Variants in SIRT3 observed in about 807,000 individuals in gnomAD.
The protein encoded by SIRT3 is NAD-dependent protein deacetylase sirtuin-3, mitochondrial.
A neutral mutation model predicts 33.5 loss-of-function variants in SIRT3; 26 were observed. The ratio of observed to expected loss-of-function variants is 0.78; its 90% confidence interval spans 0.57 to 1.08. SIRT3 has a LOEUF of 1.08. SIRT3 is among the 50% of genes least tolerant of loss of function. SIRT3 has a pLI of 0.00. For missense variants in SIRT3, 585 were observed against 530.1 expected (o/e 1.10, Z -1.02); for synonymous variants, 237 against 222.1 (o/e 1.07, Z -0.60).
chr11:232,892 T>G, intron 3 of SIRT3, 91 bp downstream of exon 3: 1 of 1,242,366 alleles, frequency 8.0e-7, no homozygotes, highest in Non-Finnish European at 1.2e-6. Context: ...GCATCCCCTG[T>G]GAGAAACAGG....
At chr11:220,330 C>CAAAA (rs55855156) in intron 5 of SIRT3, among the ~76,000 whole-genome samples, 78 of 86,468 alleles carry the variant, frequency 9.0e-4, no homozygotes, top group Non-Finnish European at 1.2e-3. Flanking sequence ...GACTCTGTCT[C>CAAAA]AAAAAAAAAA....
chr11:219,734 A>G (rs1332299886), intron 5 of SIRT3, among the ~76,000 whole-genome samples: 1 of 152,218 alleles, frequency 6.6e-6, no homozygotes, highest in Non-Finnish European at 1.5e-5. Flanking sequence ...GTTTCAATGT[A>G]AACAAAACAG....
intron 1 of SIRT3, among the ~76,000 whole-genome samples, chr11:235,418 G>T (rs1414712111): frequency 6.6e-6 from 1 of 152,120 alleles, no homozygotes; most frequent in African/African-American, 2.4e-5. Context: ...TGTTGCCCAG[G>T]CTGCTCTTGA....
At position 233,444 on chromosome 11, in the gene SIRT3, G is replaced by T; in HGVS notation, c.372C>A (p.Ser124=). The T allele has an allele frequency of 6.2e-7, 1 of 1,613,920 alleles. No homozygotes were observed. The highest frequency in any genetic ancestry group is 8.5e-7 in the Non-Finnish European group (1 of 1,179,994). The change falls in exon 2 of 7, where the codon TCC becomes TCA. Residue 124 remains serine, a synonymous_variant. Transcript: ENST00000382743. ...GAATCAGCTCAGCTACATCCTGCAG[G>T]GAAAGCTTCCCCTTGTCACTGCTGC... ...SGGSSDKGKL[S]LQDVAELIRA...
In SIRT3 at chr11:229,845, C is replaced by T. The variant is rs199795622; in HGVS notation, c.807+607G>A. ...TACTCAAAAGAATAAAAAACAAGGA[C>T]TCTCAAACGAATACTTGCATATGCT... On this transcript the variant is annotated intron_variant, in intron 4 of 6. Coordinates refer to ENST00000382743, the MANE Select transcript of SIRT3 (RefSeq NM_012239.6). 1.9e-4 allele frequency among the ~76,000 whole-genome samples: 29 copies of T among 152,268 alleles called. No individual in the cohort carries two copies. The East Asian group carries it at 4.4e-3, about 23-fold the overall frequency.
At chr11:233,618 C>T in intron 1 of SIRT3, 84 bp from the exon 2 acceptor site, 3 of 1,285,948 alleles carry the variant, frequency 2.3e-6, no homozygotes, top group Non-Finnish European at 3.3e-6. Context: ...CTGCCCTCTG[C>T]ACCACCGCCA....
rs548003 is a variant in SIRT3, at chr11:223,608, G to A, written c.969+470C>T. ...CTGGGAGGCCCTGCCCCTCCACCTC[G>A]CCCCCACACCCCCATCCTTCTCCCT... On this transcript the variant is annotated intron_variant, in intron 5 of 6. Coordinates refer to ENST00000382743, the MANE Select transcript of SIRT3 (RefSeq NM_012239.6). The surrounding 1 kb of genome is among the most constrained non-coding windows in gnomAD (Gnocchi z 4.8). 1.8e-5 allele frequency: 6 copies of A among 326,446 alleles called. No homozygotes were observed. Among genetic ancestry groups the A allele is most frequent in the African/African-American group, 9.3e-5 (4 of 43,190 alleles). The allele number at this position is 326,446 out of a possible 1,614,324, so 20.2% of individuals were successfully genotyped here.
chr11:220,330 CAAAAAAAA>C (rs55855156), intron 5 of SIRT3, among the ~76,000 whole-genome samples: 1 of 87,030 alleles, frequency 1.1e-5, no homozygotes, highest in African/African-American at 4.1e-5. Flanking sequence ...GACTCTGTCT[CAAAAAAAA>C]AAAAAAAAAA....
At chr11:226,751 A>AT (rs1178536880) in intron 4 of SIRT3, among the ~76,000 whole-genome samples, 15 of 88,958 alleles carry the variant, frequency 1.7e-4, no homozygotes, top group African/African-American at 9.6e-4. Context: ...TACAATTATT[A>AT]TTATTATTTT....
chr11:228,811 C>A (rs1002573648), intron 4 of SIRT3, among the ~76,000 whole-genome samples: 2 of 152,130 alleles, frequency 1.3e-5, no homozygotes, highest in African/African-American at 4.8e-5. Flanking sequence ...TACAGAATGA[C>A]AGAAAATATT....
Position 223,565 on chromosome 11 carries a change from C to T in SIRT3, c.969+513G>A, listed in dbSNP as rs997204532. On this transcript the variant is annotated intron_variant, in intron 5 of 6. Coordinates refer to ENST00000382743, the MANE Select transcript of SIRT3 (RefSeq NM_012239.6). The surrounding 1 kb of genome is among the most constrained non-coding windows in gnomAD (Gnocchi z 4.8). Reference sequence around the variant, plus strand: ...TTTATCACTCCTCCCACTGCAGCATCAGTATTCCTGATCTGACCTGGGAGG... The same window carrying T: ...TTTATCACTCCTCCCACTGCAGCATTAGTATTCCTGATCTGACCTGGGAGG... The T allele has an allele frequency of 3.9e-5, 16 of 407,392 alleles. No homozygotes were observed. The highest frequency in any genetic ancestry group is 3.4e-4 in the African/African-American group (16 of 47,562). 25.2% of individuals were successfully genotyped at this position (407,392 alleles called of 1,614,324 possible). A position where few individuals can be genotyped will look rare whatever the true frequency, so the allele number is the denominator to read the frequency against.
At chr11:217,941 G>T (rs1855885115) in intron 6 of SIRT3, among the ~76,000 whole-genome samples, 1 of 152,168 alleles carries the variant, frequency 6.6e-6, no homozygotes, top group Admixed American at 6.5e-5. Flanking sequence ...TAGTGAATAA[G>T]TCTCACAAGA....
intron 1 of SIRT3, among the ~76,000 whole-genome samples, chr11:234,423 G>GTT (rs1229746335): frequency 6.6e-6 from 1 of 152,122 alleles, no homozygotes; most frequent in Non-Finnish European, 1.5e-5. Flanking sequence ...GTTTTGTTTT[G>GTT]TTTTGTTTTG....
chr11:216,627 T>G lies in SIRT3; in HGVS notation c.*71A>C. 1 of 1,568,254 alleles carries G rather than the reference T, an allele frequency of 6.4e-7. No individual in the cohort carries two copies. The highest frequency in any genetic ancestry group is 8.8e-7 in the Non-Finnish European group (1 of 1,139,106). ...CACCTGCCCAAGCTGTCTTCAGGCA[T>G]GAGGTCTTGTCAGAATTGGGATGTG... On this transcript the variant is annotated 3_prime_UTR_variant, in exon 7 of 7. Coordinates refer to ENST00000382743, the MANE Select transcript of SIRT3 (RefSeq NM_012239.6).
chr11:232,354 G>C (rs1858166401), intron 3 of SIRT3, among the ~76,000 whole-genome samples: 1 of 152,018 alleles, frequency 6.6e-6, no homozygotes, highest in Admixed American at 6.6e-5. Context: ...CCCGACCTCA[G>C]GTGATCTACC....
In SIRT3 at chr11:215,557, T is replaced by G. The variant is rs201411207; in HGVS notation, c.*1141A>C. 6.6e-6 allele frequency: 1 copy of G among 152,206 alleles called. No homozygotes were observed. Among genetic ancestry groups the G allele is most frequent in the Non-Finnish European group, 1.5e-5 (1 of 68,032 alleles). 9.4% of individuals were successfully genotyped at this position (152,206 alleles called of 1,614,324 possible). A position where few individuals can be genotyped will look rare whatever the true frequency, so the allele number is the denominator to read the frequency against. Reference sequence around the variant, plus strand: ...CTGGGAGTCACTGTCATTAAATCTATTGCCGTCAGCTCAGCCCAGGGTAGG... The same window carrying G: ...CTGGGAGTCACTGTCATTAAATCTAGTGCCGTCAGCTCAGCCCAGGGTAGG... On this transcript the variant is annotated 3_prime_UTR_variant, in exon 7 of 7. Coordinates refer to ENST00000382743, the MANE Select transcript of SIRT3 (RefSeq NM_012239.6).
At chr11:232,722 A>G (rs1858243192) in intron 3 of SIRT3, among the ~76,000 whole-genome samples, 1 of 152,200 alleles carries the variant, frequency 6.6e-6, no homozygotes, top group African/African-American at 2.4e-5. Flanking sequence ...TCTGCCCAAA[A>G]TACACAGCTC....
chr11:216,393 A>T lies in SIRT3; in HGVS notation c.*305T>A. ...ATTCCAGTTGGTCTGATTCAGTTCA[A>T]GAGGGTCACAGTCAGAAGAAAGCTT... On this transcript the variant is annotated 3_prime_UTR_variant, in exon 7 of 7. Coordinates refer to ENST00000382743, the MANE Select transcript of SIRT3 (RefSeq NM_012239.6). 2.6e-6 allele frequency: 1 copy of T among 385,256 alleles called. No individual in the cohort carries two copies. The highest frequency in any genetic ancestry group is 4.7e-6 in the Non-Finnish European group (1 of 211,332). 23.9% of individuals were successfully genotyped at this position (385,256 alleles called of 1,614,324 possible).
intron 4 of SIRT3, among the ~76,000 whole-genome samples, chr11:224,664 T>C (rs1288971469): frequency 6.6e-6 from 1 of 152,178 alleles, no homozygotes; most frequent in Admixed American, 6.5e-5. Flanking sequence ...AAACTGTCTC[T>C]GGTTTGAGCT....
Sources: gnomAD v4.1 joint callset for allele counts (sites outside exome capture counted in the v4.1 genomes callset) on GRCh38, gnomAD v4.1.1 for gene constraint, Gnocchi (gnomAD v3.1) non-coding constraint, MANE v1.5 for transcripts, NCBI Gene and HGNC (gene_info 2026-07-23, HGNC 2026-07-21) for gene names.